PANK1: variants seen among roughly 807,000 people sequenced by gnomAD.
PANK1 encodes the protein pantothenic acid kinase 1.
Under a neutral mutation model 40.1 loss-of-function variants are expected in PANK1, and 18 were observed. The ratio of observed to expected loss-of-function variants is 0.45; its 90% confidence interval spans 0.31 to 0.67. The LOEUF (loss-of-function observed/expected upper bound fraction) is 0.67, where lower values mean the gene tolerates loss of function less well. Ranked by LOEUF, PANK1 falls within the 30% of genes least tolerant of loss-of-function variation. PANK1 has a pLI of 0.06. For synonymous variants in PANK1, 242 were observed against 237.7 expected (o/e 1.02, Z -0.17); for missense variants, 457 against 599.6 (o/e 0.76, Z 2.48).
At chr10:89,598,711 G>A (rs1345981252) in intron 3 of PANK1, among the ~76,000 whole-genome samples, 1 of 151,848 alleles carries the variant, frequency 6.6e-6, no homozygotes, top group African/African-American at 2.4e-5. Flanking sequence ...TGGCCATGGG[G>A]CTGTTTCCCT....
intron 3 of PANK1, among the ~76,000 whole-genome samples, chr10:89,595,833 AATATATATAT>A (rs369831755): frequency 1.5e-4 from 5 of 33,776 alleles, no homozygotes; most frequent in Non-Finnish European, 2.4e-4. Context: ...AAAAAAAAAA[AATATATATAT>A]ATATATATAT....
At chr10:89,641,152 A>G (rs1274988439) in intron 1 of PANK1, among the ~76,000 whole-genome samples, 1 of 152,180 alleles carries the variant, frequency 6.6e-6, no homozygotes, top group Non-Finnish European at 1.5e-5. Flanking sequence ...TCTCTTATCC[A>G]TGTAGAAGTA....
intron 1 of PANK1, chr10:89,643,816 G>A (rs1368986628): frequency 2.3e-5 from 36 of 1,594,740 alleles, no homozygotes; most frequent in African/African-American, 2.7e-5. Flanking sequence ...ATCCCACAGC[G>A]TCCTGTGGGG....
chr10:89,604,197 T>C (rs1844872558), intron 2 of PANK1, among the ~76,000 whole-genome samples: 1 of 152,080 alleles, frequency 6.6e-6, no homozygotes, highest in African/African-American at 2.4e-5. Flanking sequence ...GTTCAAAGGG[T>C]AGGTAATTTT....
At chr10:89,625,205 CTA>C (rs755992831) in intron 1 of PANK1, among the ~76,000 whole-genome samples, 13 of 152,178 alleles carry the variant, frequency 8.5e-5, no homozygotes, top group Admixed American at 2.0e-4. Context: ...CCAGCTTGGA[CTA>C]TGTTTTAAAA....
chr10:89,582,508 C>T (rs1464946507), downstream of PANK1: 1 of 152,090 alleles, frequency 6.6e-6, no homozygotes, highest in Non-Finnish European at 1.5e-5. Flanking sequence ...ACTAACTTGC[C>T]CTGATTTCCT....
intron 1 of PANK1, among the ~76,000 whole-genome samples, chr10:89,623,955 G>T (rs1845584609): frequency 6.6e-6 from 1 of 152,184 alleles, no homozygotes; most frequent in African/African-American, 2.4e-5. Context: ...CGCTGAAGAG[G>T]ACACATGTAT....
chr10:89,605,484 C>G (rs1356906400), intron 2 of PANK1, among the ~76,000 whole-genome samples: 1 of 152,230 alleles, frequency 6.6e-6, no homozygotes, highest in African/African-American at 2.4e-5. Flanking sequence ...GATTCCATCT[C>G]AAGAAACCAT....
At chr10:89,588,064 G>A (rs1844258216) in intron 6 of PANK1, among the ~76,000 whole-genome samples, 1 of 152,234 alleles carries the variant, frequency 6.6e-6, no homozygotes, top group East Asian at 1.9e-4. Flanking sequence ...AAATAAGTGA[G>A]GACATGTAGT....
At chr10:89,631,858 T>C (rs1841653950) in intron 1 of PANK1, among the ~76,000 whole-genome samples, 1 of 152,180 alleles carries the variant, frequency 6.6e-6, no homozygotes, top group Admixed American at 6.5e-5. Flanking sequence ...ACAATTTTAA[T>C]TGTGGTTAGA....
chr10:89,632,842 C>A (rs1219978274), intron 1 of PANK1, among the ~76,000 whole-genome samples: 2 of 152,138 alleles, frequency 1.3e-5, no homozygotes, highest in Non-Finnish European at 2.9e-5. Context: ...TCATACCAAC[C>A]ACAGTGACCC....
chr10:89,589,028 A>T (rs1389479219), intron 5 of PANK1, among the ~76,000 whole-genome samples: 1 of 152,192 alleles, frequency 6.6e-6, no homozygotes, highest in African/African-American at 2.4e-5. Flanking sequence ...GTGTTATGTC[A>T]GACTGCCTTA....
At chr10:89,619,545 T>C (rs901720482) in intron 1 of PANK1, among the ~76,000 whole-genome samples, 1 of 152,214 alleles carries the variant, frequency 6.6e-6, no homozygotes, top group Non-Finnish European at 1.5e-5. Context: ...GTGTTCCTGG[T>C]GAGGCACAAG....
intron 5 of PANK1, among the ~76,000 whole-genome samples, chr10:89,589,828 T>C (rs1394205724): frequency 2.0e-5 from 3 of 149,600 alleles, no homozygotes; most frequent in Non-Finnish European, 3.0e-5. Flanking sequence ...CAAGGAACAC[T>C]CTAAGAAACT....
rs776053950 is a variant in PANK1 at position 89,644,639 on chromosome 10, G to A, written c.253C>T (p.Leu85=). ...CTCCCCGAGTCCATCCTCCTCCGCA[G>A]CCGGCATTTCTTGGCCGGGGAGTCA... ...QHDSPAKKCR[L]RRRMDSGRKN... is the part of the protein sequence containing the mutation. Residue 85 remains leucine (L), a synonymous_variant, in exon 1 of 7, where the codon CTG becomes TTG. Transcript: ENST00000307534. 44 of 1,586,110 alleles carry A rather than the reference G, an allele frequency of 2.8e-5. No homozygotes were observed. Among genetic ancestry groups the A allele is most frequent in the Non-Finnish European group, 3.6e-5 (42 of 1,171,846 alleles).
intron 5 of PANK1, among the ~76,000 whole-genome samples, chr10:89,590,898 A>C (rs1844361784): frequency 1.3e-5 from 2 of 152,138 alleles, no homozygotes; most frequent in Non-Finnish European, 2.9e-5. Flanking sequence ...AAAAAGAGGG[A>C]AGAAGGAGAG....
rs757759605 is a variant in PANK1, at chr10:89,645,109, C to G, written c.-218G>C. The stretch of plus-strand genomic sequence containing the variant: ...CCCCCCGCGCGCCGGCCCCACGGCG[C>G]CGGCCTGGAGCACGCCAGCCCCGGG... On this transcript the variant is annotated 5_prime_UTR_variant, in exon 1 of 7. Coordinates refer to ENST00000307534, the MANE Select transcript of PANK1 (RefSeq NM_148977.3). The G allele has an allele frequency of 8.1e-6, 12 of 1,476,002 alleles. No homozygotes were observed. The highest frequency in any genetic ancestry group is 9.8e-6 in the Non-Finnish European group (11 of 1,120,514). 91.4% of individuals were successfully genotyped at this position (1,476,002 alleles called of 1,614,324 possible).
intron 2 of PANK1, among the ~76,000 whole-genome samples, chr10:89,610,763 A>G (rs1564627130): frequency 6.6e-6 from 1 of 152,196 alleles, no homozygotes; most frequent in Non-Finnish European, 1.5e-5. Flanking sequence ...ACCTCACTAT[A>G]TGTTCAACTT....
chr10:89,628,900 T>C (rs1394813375), intron 1 of PANK1, among the ~76,000 whole-genome samples: 1 of 152,152 alleles, frequency 6.6e-6, no homozygotes, highest in Admixed American at 6.5e-5. Flanking sequence ...AAACATGCGC[T>C]TCCCAGGCTG....
Sources: gnomAD v4.1 joint callset for allele counts (sites outside exome capture counted in the v4.1 genomes callset) on GRCh38, gnomAD v4.1.1 for gene constraint, MANE v1.5 for transcripts, NCBI Gene and HGNC (gene_info 2026-07-23, HGNC 2026-07-21) for gene names.